Variants in CBR4 observed in about 807,000 individuals in gnomAD.
CBR4 encodes carbonyl reductase 4, also known as 3-oxoacyl-[acyl-carrier-protein] reductase.
Under a neutral mutation model 21.0 loss-of-function variants are expected in CBR4, and 22 were observed. The observed-to-expected ratio is 1.05, with a 90% CI of 0.75 to 1.50. The LOEUF is 1.50. Ranked by LOEUF, CBR4 falls within the 40% of genes most tolerant of loss-of-function variation. The pLI, the probability that CBR4 is intolerant of heterozygous loss-of-function variation, is 0.00. For missense variants in CBR4, 302 were observed against 286.3 expected, an observed-to-expected ratio of 1.05 and a Z score of -0.40; for synonymous variants, 100 against 104.4, an observed-to-expected ratio of 0.96 and a Z score of 0.26.
chr4:168,915,943 G>A lies in CBR4; in HGVS notation n.170-21178C>T. ...GTGGAGACGAAAATGAACCAATTCA[G>A]GAGCGATTCTTCAGACCTCACTTCT... On this transcript the variant is annotated intron_variant and non_coding_transcript_variant, in intron 2 of 3. Coordinates refer to the CBR4 transcript ENST00000509108. The A allele has an allele frequency of 1.9e-6, 3 of 1,613,296 alleles. No homozygotes were observed. Among genetic ancestry groups the A allele is most frequent in the Non-Finnish European group, 2.5e-6 (3 of 1,179,282 alleles).
intron 2 of CBR4, among the ~76,000 whole-genome samples, chr4:168,934,497 A>G: frequency 6.6e-6 from 1 of 152,020 alleles, no homozygotes; most frequent in Non-Finnish European, 1.5e-5. Flanking sequence ...ACAAAAAAGG[A>G]GCTGTCACAA....
chr4:168,996,552 G>T (rs4692557), intron 4 of CBR4, among the ~76,000 whole-genome samples: 134,526 of 152,084 alleles, frequency 0.88, 59,644 homozygotes, highest in East Asian at 0.96. Flanking sequence ...ATATATTTAT[G>T]TATTCATTTA....
intron 2 of CBR4, chr4:168,898,592 G>A: frequency 6.2e-7 from 1 of 1,613,526 alleles, no homozygotes; most frequent in African/African-American, 1.3e-5. Flanking sequence ...AGTTCAGTAT[G>A]GAGATGTGCC....
At chr4:168,973,641 G>A (rs933526245) in intron 2 of CBR4, among the ~76,000 whole-genome samples, 2 of 152,148 alleles carry the variant, frequency 1.3e-5, no homozygotes, top group African/African-American at 4.8e-5. Context: ...ATTCTTCTTT[G>A]AATGTTGATA....
intron 4 of CBR4, among the ~76,000 whole-genome samples, chr4:168,995,250 T>C (rs1412197443): frequency 6.6e-6 from 1 of 152,228 alleles, no homozygotes; most frequent in African/African-American, 2.4e-5. Flanking sequence ...ACCTGGGTTT[T>C]CATCCATGCT....
intron 2 of CBR4, among the ~76,000 whole-genome samples, chr4:168,904,891 C>T (rs1757304343): frequency 6.6e-6 from 1 of 152,040 alleles, no homozygotes; most frequent in Non-Finnish European, 1.5e-5. Context: ...CTTTGGGAGG[C>T]TGAGGCAGGT....
At chr4:169,001,830 CT>C (rs971824257) in intron 4 of CBR4, 3 of 257,806 alleles carry the variant, frequency 1.2e-5, no homozygotes, top group Non-Finnish European at 2.2e-5. Flanking sequence ...AAATAAGCCT[CT>C]TTTTTTTATG....
chr4:169,003,705 G>A (rs1366694436), intron 3 of CBR4, among the ~76,000 whole-genome samples: 1 of 152,058 alleles, frequency 6.6e-6, no homozygotes, highest in African/African-American at 2.4e-5. Context: ...AATCAAATGT[G>A]CAACAATGAC....
chr4:168,928,470 T>C (rs1762833401), intron 2 of CBR4: 1 of 175,254 alleles, frequency 5.7e-6, no homozygotes, highest in South Asian at 2.0e-4. Flanking sequence ...TTTCTGTTGC[T>C]GCCATAACAA....
In CBR4 at chr4:169,007,671, T is replaced by A. The variant is rs747974320; in HGVS notation, c.228A>T (p.Arg76=). The A allele has an allele frequency of 6.3e-7, 1 of 1,589,678 alleles. No individual in the cohort carries two copies. Among genetic ancestry groups the A allele is most frequent in the Non-Finnish European group, 8.5e-7 (1 of 1,169,892 alleles). Residue 76 remains arginine (R), a synonymous_variant, in exon 2 of 5, where the codon CGA becomes CGT. Coordinates refer to ENST00000306193, the MANE Select transcript of CBR4 (RefSeq NM_032783.5). ...CAGCTGCATTTACCAAGAAATTTAC[T>A]CGACCTAAATGTTTCTCCAGCTCTT... ...TFEELEKHLG[R]VNFLVNAAGI...
At chr4:168,948,049 G>T (rs959053441) in intron 2 of CBR4, among the ~76,000 whole-genome samples, 5 of 152,156 alleles carry the variant, frequency 3.3e-5, no homozygotes, top group South Asian at 2.1e-4. Flanking sequence ...ACTGTTTTTT[G>T]ATTTTTTCAT....
At chr4:168,906,343 T>C (rs1472164581) in intron 2 of CBR4, among the ~76,000 whole-genome samples, 1 of 152,206 alleles carries the variant, frequency 6.6e-6, no homozygotes, top group Non-Finnish European at 1.5e-5. Flanking sequence ...TTCCTCAAAT[T>C]ATAATAATGC....
At chr4:168,910,934 C>G (rs1758815833) in intron 2 of CBR4, among the ~76,000 whole-genome samples, 2 of 152,118 alleles carry the variant, frequency 1.3e-5, no homozygotes. Context: ...GAAATTCTTG[C>G]TGGGGTCCGC....
intron 4 of CBR4, among the ~76,000 whole-genome samples, chr4:168,992,071 CT>C: frequency 6.6e-6 from 1 of 152,258 alleles, no homozygotes; most frequent in African/African-American, 2.4e-5. Flanking sequence ...ACTTTCCTTT[CT>C]TTAGGTTTGC....
At position 168,988,046 on chromosome 4, in the gene CBR4, T is replaced by C. The variant is rs1279989991; in HGVS notation, c.*2104A>G. ...GTCTTCTTGTTAAGAATTCATTCAA[T>C]GCTTCTCAGAATAGCAGATTTTAAA... is the stretch of plus-strand genomic sequence containing the variant. On this transcript the variant is annotated 3_prime_UTR_variant, in exon 5 of 5. Coordinates refer to ENST00000306193, the MANE Select transcript of CBR4 (RefSeq NM_032783.5). The C allele has an allele frequency of 4.1e-6, 4 of 985,206 alleles. No individual in the cohort carries two copies. Among genetic ancestry groups the C allele is most frequent in the Non-Finnish European group, 4.8e-6 (4 of 829,818 alleles). The allele number at this position is 985,206 out of a possible 1,614,324, so 61.0% of individuals were successfully genotyped here.
chr4:168,925,582 TTG>T (rs1472711831), intron 2 of CBR4, among the ~76,000 whole-genome samples: 1 of 152,220 alleles, frequency 6.6e-6, no homozygotes, highest in Admixed American at 6.5e-5. Context: ...AGCAGTAGAC[TTG>T]TGTTTGTATA....
At chr4:168,976,279 G>A (rs1281341957) in intron 2 of CBR4, among the ~76,000 whole-genome samples, 1 of 152,110 alleles carries the variant, frequency 6.6e-6, no homozygotes, top group Non-Finnish European at 1.5e-5. Flanking sequence ...CCATGGGCTC[G>A]AGCTAAGGAC....
chr4:168,940,369 C>G (rs940796043), intron 2 of CBR4, among the ~76,000 whole-genome samples: 1 of 152,180 alleles, frequency 6.6e-6, no homozygotes, highest in Admixed American at 6.5e-5. Flanking sequence ...CCATTCAGGA[C>G]ACAGGCATGG....
At chr4:169,007,517 A>G in intron 2 of CBR4, 119 bp downstream of exon 2, 1 of 516,180 alleles carries the variant, frequency 1.9e-6, no homozygotes, top group Non-Finnish European at 3.1e-6. Flanking sequence ...AAGTTTTAAA[A>G]TAGTTTTTTC....
Sources: gnomAD v4.1 joint callset for allele counts (sites outside exome capture counted in the v4.1 genomes callset) on GRCh38, gnomAD v4.1.1 for gene constraint, MANE v1.5 for transcripts, NCBI Gene and HGNC (gene_info 2026-07-23, HGNC 2026-07-21) for gene names.